CNTN5: variants seen among roughly 807,000 people sequenced by gnomAD.
CNTN5 encodes the protein contactin 5, also known as contactin-5.
In CNTN5, 77 loss-of-function variants were observed where a neutral mutation model predicts 129.1. That is an observed-to-expected ratio of 0.60 (90% CI 0.50 to 0.72). The LOEUF (loss-of-function observed/expected upper bound fraction) is 0.72. CNTN5 is among the 30% of genes least tolerant of loss of function. CNTN5 has a pLI of 0.00. For missense variants in CNTN5, 1,478 were observed against 1,328.8 expected (o/e 1.11, Z -1.75); for synonymous variants, 509 against 465.6 (o/e 1.09, Z -1.20).
At chr11:100,311,014 A>G (rs2138930065) in intron 21 of CNTN5, among the ~76,000 whole-genome samples, 1 of 151,980 alleles carries the variant, frequency 6.6e-6, no homozygotes, top group East Asian at 1.9e-4. Context: ...AAAGTATTTC[A>G]AACTGGGAGG....
At chr11:100,199,161 G>A (rs368539632) in intron 15 of CNTN5, among the ~76,000 whole-genome samples, 2 of 151,850 alleles carry the variant, frequency 1.3e-5, no homozygotes, top group Non-Finnish European at 2.9e-5. Flanking sequence ...CTTGGCATGC[G>A]AAGTCCTGGA....
intron 3 of CNTN5, 135 bp from the exon 4 acceptor site, chr11:99,819,409 C>G: frequency 1.6e-6 from 1 of 621,220 alleles, no homozygotes; most frequent in South Asian, 2.3e-5. Flanking sequence ...TTTTTTCACA[C>G]TCTCACTGTA....
chr11:100,074,234 G>T lies in CNTN5; in HGVS notation c.1520G>T (p.Gly507Val), dbSNP rs1303043172. Residue 507 changes from glycine to valine, a missense_variant, in exon 13 of 25, where the codon GGC becomes GTC. By Grantham distance (109) the Gly-to-Val change is moderately radical. Coordinates refer to ENST00000524871, the MANE Select transcript of CNTN5 (RefSeq NM_014361.4). Reference sequence around the variant, plus strand: ...GTTGTCATAGAGTGCAAACCCCAAGGCTCTCCAAAACCAACCATCTCTTGG... The same window carrying T: ...GTTGTCATAGAGTGCAAACCCCAAGTCTCTCCAAAACCAACCATCTCTTGG... ...QEVVIECKPQ[G>V]SPKPTISWKK... The T allele has an allele frequency of 1.2e-6, 2 of 1,611,506 alleles. No homozygotes were observed. Among genetic ancestry groups the T allele is most frequent in the Non-Finnish European group, 8.5e-7 (1 of 1,178,618 alleles).
chr11:100,222,246 G>A (rs189805745), intron 15 of CNTN5, among the ~76,000 whole-genome samples: 4 of 152,262 alleles, frequency 2.6e-5, no homozygotes, highest in Admixed American at 1.3e-4. Flanking sequence ...TAGAGTTTTT[G>A]CTTCTGATAG....
intron 1 of CNTN5, among the ~76,000 whole-genome samples, chr11:99,214,085 C>T (rs1859983245): frequency 6.6e-6 from 1 of 152,058 alleles, no homozygotes; most frequent in Non-Finnish European, 1.5e-5. Context: ...ACTTACTTAA[C>T]AGAGTAAGTA....
At chr11:99,810,803 C>T (rs894021964) in intron 3 of CNTN5, among the ~76,000 whole-genome samples, 1 of 152,070 alleles carries the variant, frequency 6.6e-6, no homozygotes, top group African/African-American at 2.4e-5. Flanking sequence ...TGAAAAAGGT[C>T]AGGTATCAGA....
chr11:99,363,300 C>T (rs1939237076), intron 2 of CNTN5, among the ~76,000 whole-genome samples: 1 of 151,976 alleles, frequency 6.6e-6, no homozygotes, highest in Non-Finnish European at 1.5e-5. Flanking sequence ...TCTTTTACTG[C>T]TTAAGTAATT....
At chr11:100,350,591 G>A (rs1308955609) in intron 23 of CNTN5, 111 bp from the exon 24 acceptor site, 1 of 735,512 alleles carries the variant, frequency 1.4e-6, no homozygotes, top group Non-Finnish European at 2.2e-6. Context: ...TTATGTATCT[G>A]TCTAAACTGT....
intron 3 of CNTN5, among the ~76,000 whole-genome samples, chr11:99,636,209 A>C (rs1951546808): frequency 6.6e-6 from 1 of 152,168 alleles, no homozygotes. Context: ...TTTTATCTTT[A>C]ACTATTTTTA....
chr11:99,437,057 G>C (rs528554146), intron 2 of CNTN5, among the ~76,000 whole-genome samples: 1 of 152,080 alleles, frequency 6.6e-6, no homozygotes, highest in South Asian at 2.1e-4. Context: ...GGCATCTCAC[G>C]TATAAATGTT....
rs1014293230 is a variant in CNTN5 at position 100,026,856 on chromosome 11, C to T, written c.980+24720C>T. On this transcript the variant is annotated intron_variant, in intron 9 of 24. Coordinates refer to ENST00000524871, the MANE Select transcript of CNTN5 (RefSeq NM_014361.4). ...TTTATTCTCTTGACAGTGTCTTTTACGAAGCATAAAATTTTAATTTTAATG... is the reference window on the plus strand; with the variant it reads ...TTTATTCTCTTGACAGTGTCTTTTATGAAGCATAAAATTTTAATTTTAATG... Among the ~76,000 whole-genome samples the T allele has an allele frequency of 4.0e-5, 6 of 151,624 alleles. No individual in the cohort carries two copies. In the East Asian group the frequency reaches 5.8e-4, roughly 15 times the overall value.
intron 9 of CNTN5, among the ~76,000 whole-genome samples, chr11:100,018,309 T>C (rs1309579459): frequency 1.3e-5 from 2 of 151,922 alleles, no homozygotes; most frequent in Non-Finnish European, 2.9e-5. Context: ...TCTTCCTCCT[T>C]CCCATCCACG....
chr11:99,608,008 C>A (rs1182643454), intron 3 of CNTN5, among the ~76,000 whole-genome samples: 2 of 138,014 alleles, frequency 1.4e-5, no homozygotes, highest in African/African-American at 2.8e-5. Flanking sequence ...CTAGATGACA[C>A]ATTAGTGGGT....
intron 1 of CNTN5, among the ~76,000 whole-genome samples, chr11:99,075,332 T>C (rs779716946): frequency 3.9e-5 from 6 of 152,166 alleles, no homozygotes; most frequent in Non-Finnish European, 7.4e-5. Context: ...AAAGTATACA[T>C]GCAAATACCA....
At chr11:99,929,519 C>T (rs2136069030) in intron 7 of CNTN5, among the ~76,000 whole-genome samples, 1 of 152,274 alleles carries the variant, frequency 6.6e-6, no homozygotes, top group Non-Finnish European at 1.5e-5. Context: ...GACAGTTCTG[C>T]AGGGCTGGGG....
At chr11:99,072,529 C>T (rs980557874) in intron 1 of CNTN5, among the ~76,000 whole-genome samples, 4 of 151,854 alleles carry the variant, frequency 2.6e-5, no homozygotes, top group Non-Finnish European at 4.4e-5. Context: ...TTAGTAGTTG[C>T]CTTATTTGTA....
At chr11:100,276,879 C>G (rs1208534618) in intron 18 of CNTN5, among the ~76,000 whole-genome samples, 4 of 151,870 alleles carry the variant, frequency 2.6e-5, no homozygotes, top group Non-Finnish European at 5.9e-5. Context: ...TATAGTCACC[C>G]TGTTATGCTA....
chr11:100,193,753 G>GA (rs374672252), intron 15 of CNTN5, 90 bp downstream of exon 15: 67,584 of 703,064 alleles, frequency 0.096, 8 homozygotes, highest in South Asian at 0.14. Flanking sequence ...GAAGTGCTAA[G>GA]AAAAAAAAAA....
chr11:100,066,321 G>A (rs1037501683), intron 10 of CNTN5, among the ~76,000 whole-genome samples: 4 of 151,978 alleles, frequency 2.6e-5, no homozygotes, highest in African/African-American at 4.8e-5. Flanking sequence ...ACCTCTCATT[G>A]GCCTACAGCT....
Sources: allele counts gnomAD v4.1 joint callset (sites outside exome capture counted in the v4.1 genomes callset), GRCh38; gene constraint gnomAD v4.1.1; transcripts MANE v1.5; gene names NCBI Gene and HGNC (gene_info 2026-07-23, HGNC 2026-07-21).